RBMS3: variants seen among roughly 807,000 people sequenced by gnomAD.
RBMS3 encodes the protein RNA binding motif single stranded interacting protein 3, also known as RNA-binding motif, single-stranded-interacting protein 3.
A neutral mutation model predicts 66.8 loss-of-function variants in RBMS3; 27 were observed. The ratio of observed to expected loss-of-function variants is 0.40; its 90% CI spans 0.30 to 0.56. The LOEUF is 0.56. Ranked by LOEUF, RBMS3 falls within the 20% of genes least tolerant of loss-of-function variation. RBMS3 has a pLI of 0.40. For synonymous variants in RBMS3, 188 were observed against 183.0 expected, an observed-to-expected ratio of 1.03 and a Z score of -0.22; for missense variants, 513 against 549.5, an observed-to-expected ratio of 0.93 and a Z score of 0.66.
At position 29,826,242 on chromosome 3, in the gene RBMS3, G is replaced by T. The variant is rs995200295; in HGVS notation, c.638-42616G>T. Among the ~76,000 whole-genome samples, 13 of 152,074 alleles carry T rather than the reference G, an allele frequency of 8.5e-5. No individual in the cohort carries two copies. The East Asian group carries it at 2.5e-3, about 29-fold the overall frequency. On this transcript the variant is annotated intron_variant, in intron 6 of 14. Transcript: ENST00000383767. ...CTGCTTGCAACTTATGCCTTTATAA[G>T]CTGTGAGTCTCCTATAGCAATTGTT...
intron 12 of RBMS3, among the ~76,000 whole-genome samples, chr3:29,966,504 G>A (rs1307267410): frequency 2.6e-5 from 4 of 152,100 alleles, no homozygotes; most frequent in African/African-American, 9.7e-5. Context: ...CTTGGTCACT[G>A]TTGGTGTATA....
chr3:29,831,453 T>A (rs940654451), intron 6 of RBMS3, among the ~76,000 whole-genome samples: 2 of 152,092 alleles, frequency 1.3e-5, no homozygotes, highest in African/African-American at 4.8e-5. Context: ...AATTCTGAAT[T>A]TATGTCTCAA....
chr3:29,424,550 A>G (rs569539267), intron 1 of RBMS3, among the ~76,000 whole-genome samples: 3 of 152,206 alleles, frequency 2.0e-5, no homozygotes, highest in Non-Finnish European at 4.4e-5. Flanking sequence ...GAGAACTGGT[A>G]TAAGGAAATT....
At chr3:29,375,993 A>G (rs1426428921) in intron 1 of RBMS3, among the ~76,000 whole-genome samples, 1 of 152,206 alleles carries the variant, frequency 6.6e-6, no homozygotes, top group East Asian at 1.9e-4. Flanking sequence ...TGTGGTACAT[A>G]TACAATATGG....
At chr3:29,965,188 C>A (rs1267928410) in intron 12 of RBMS3, among the ~76,000 whole-genome samples, 2 of 152,100 alleles carry the variant, frequency 1.3e-5, no homozygotes, top group African/African-American at 4.8e-5. Context: ...CAAGCATATG[C>A]AAGTATATTT....
At chr3:29,574,482 A>T (rs888928105) in intron 3 of RBMS3, among the ~76,000 whole-genome samples, 6 of 152,204 alleles carry the variant, frequency 3.9e-5, no homozygotes, top group Non-Finnish European at 8.8e-5. Context: ...TCTTGTAGGC[A>T]ACAGATTATG....
intron 4 of RBMS3, chr3:29,698,718 T>C: frequency 8.4e-6 from 5 of 595,846 alleles, no homozygotes; most frequent in Non-Finnish European, 1.1e-5. Context: ...ACTATGCTAT[T>C]CTTAATGTTT....
intron 1 of RBMS3, among the ~76,000 whole-genome samples, chr3:29,308,250 T>C (rs1380826992): frequency 6.6e-6 from 1 of 151,886 alleles, no homozygotes; most frequent in Admixed American, 6.6e-5. Context: ...TTTGAATTCA[T>C]GGTGGCTTTA....
chr3:29,860,664 G>C (rs905570526), intron 6 of RBMS3, among the ~76,000 whole-genome samples: 2 of 152,164 alleles, frequency 1.3e-5, no homozygotes, highest in African/African-American at 4.8e-5. Context: ...CAGGAGCAAA[G>C]TTTAGAGTAG....
chr3:29,615,562 A>G (rs1290986610), intron 4 of RBMS3, among the ~76,000 whole-genome samples: 1 of 152,148 alleles, frequency 6.6e-6, no homozygotes, highest in Non-Finnish European at 1.5e-5. Flanking sequence ...TTTTTCATAT[A>G]TCATAAATAA....
At chr3:29,378,909 C>A (rs1420267526) in intron 1 of RBMS3, among the ~76,000 whole-genome samples, 1 of 152,152 alleles carries the variant, frequency 6.6e-6, no homozygotes, top group Non-Finnish European at 1.5e-5. Flanking sequence ...CAAATAAGCT[C>A]AATGGTATTT....
chr3:29,855,598 T>C (rs1471211978), intron 6 of RBMS3, among the ~76,000 whole-genome samples: 3 of 152,202 alleles, frequency 2.0e-5, no homozygotes, highest in Admixed American at 2.0e-4. Flanking sequence ...AGATTTCCAG[T>C]GCCTATTTTA....
chr3:29,832,994 G>A (rs1559718925), intron 6 of RBMS3, among the ~76,000 whole-genome samples: 2 of 152,136 alleles, frequency 1.3e-5, no homozygotes, highest in Non-Finnish European at 1.5e-5. Context: ...TTCTGGGCAC[G>A]GCCACAGAGA....
At chr3:29,918,447 T>TC (rs2060691612) in intron 10 of RBMS3, among the ~76,000 whole-genome samples, 1 of 152,150 alleles carries the variant, frequency 6.6e-6, no homozygotes, top group Non-Finnish European at 1.5e-5. Context: ...ATTCTTTGTG[T>TC]CCTAAGGTTA....
At chr3:29,365,840 C>T (rs2037871327) in intron 1 of RBMS3, among the ~76,000 whole-genome samples, 1 of 152,134 alleles carries the variant, frequency 6.6e-6, no homozygotes, top group Non-Finnish European at 1.5e-5. Flanking sequence ...TTTGAAACTT[C>T]TTGAACCTTA....
chr3:29,541,384 C>T (rs1468530315), intron 3 of RBMS3, among the ~76,000 whole-genome samples: 4 of 152,144 alleles, frequency 2.6e-5, no homozygotes, highest in Non-Finnish European at 5.9e-5. Context: ...CTCTGCTCTT[C>T]CAGTTGCTTA....
chr3:29,682,650 A>C (rs1233248961), intron 4 of RBMS3, among the ~76,000 whole-genome samples: 2 of 152,168 alleles, frequency 1.3e-5, no homozygotes, highest in Non-Finnish European at 2.9e-5. Flanking sequence ...TGGGGAGCGA[A>C]CTGCTGCACC....
intron 12 of RBMS3, among the ~76,000 whole-genome samples, chr3:29,983,392 T>G (rs1337131793): frequency 6.6e-6 from 1 of 152,210 alleles, no homozygotes; most frequent in Non-Finnish European, 1.5e-5. Flanking sequence ...TGTCTTTTAA[T>G]TGGGGCATTT....
intron 6 of RBMS3, among the ~76,000 whole-genome samples, chr3:29,857,405 T>C (rs2059107213): frequency 6.6e-6 from 1 of 151,618 alleles, no homozygotes; most frequent in Admixed American, 6.6e-5. Flanking sequence ...GATTTGTTTT[T>C]TCCTAGGGTG....
Sources: gnomAD v4.1 joint callset for allele counts (sites outside exome capture counted in the v4.1 genomes callset) on GRCh38, gnomAD v4.1.1 for gene constraint, MANE v1.5 for transcripts, NCBI Gene and HGNC (gene_info 2026-07-23, HGNC 2026-07-21) for gene names.